CDKAL1: variants seen among roughly 807,000 people sequenced by gnomAD.
The protein encoded by CDKAL1 is CDKAL1 threonylcarbamoyladenosine tRNA methylthiotransferase.
Under a neutral mutation model 68.2 loss-of-function variants are expected in CDKAL1, and 32 were observed. The observed-to-expected ratio is 0.47, with a 90% confidence interval of 0.35 to 0.63. CDKAL1 has a LOEUF of 0.63. CDKAL1 is among the 30% of genes least tolerant of loss of function. The pLI is 0.00. For missense variants in CDKAL1, 606 were observed against 696.7 expected, an observed-to-expected ratio of 0.87 and a Z score of 1.47; for synonymous variants, 234 against 244.3, an observed-to-expected ratio of 0.96 and a Z score of 0.39.
chr6:20,557,012 T>C lies in CDKAL1; in HGVS notation c.286+8307T>C, dbSNP rs188607995. On this transcript the variant is annotated intron_variant, in intron 4 of 15. Transcript: ENST00000274695. ...GAGATCATGCCACTGTACTCCAGCC[T>C]GGGCAACAGAAAGAACGAGTCTCCA... is the stretch of plus-strand genomic sequence containing the variant. Among the ~76,000 whole-genome samples the C allele has an allele frequency of 6.4e-3, 921 of 142,938 alleles. 30 individuals carry two copies. The highest frequency in any genetic ancestry group is 0.055 in the Admixed American group (726 of 13,152). 93.8% of individuals were successfully genotyped at this position (142,938 alleles called of 152,430 possible). A position where few individuals can be genotyped will look rare whatever the true frequency, so the allele number is the denominator to read the frequency against.
intron 9 of CDKAL1, among the ~76,000 whole-genome samples, chr6:20,876,231 G>A (rs1426210793): frequency 6.6e-6 from 1 of 152,204 alleles, no homozygotes. Flanking sequence ...TTTAAAACTG[G>A]CAGAGCTGGA....
At chr6:21,230,027 A>G (rs977527217) in intron 15 of CDKAL1, among the ~76,000 whole-genome samples, 1 of 152,158 alleles carries the variant, frequency 6.6e-6, no homozygotes, top group Non-Finnish European at 1.5e-5. Context: ...ATGGCACACA[A>G]GGTACTTTGA....
chr6:21,007,659 A>C (rs544460629), intron 11 of CDKAL1, among the ~76,000 whole-genome samples: 1 of 152,272 alleles, frequency 6.6e-6, no homozygotes, highest in East Asian at 1.9e-4. Context: ...TGGTAAGTAT[A>C]CCGATAATAC....
At chr6:21,006,108 A>G (rs1767713084) in intron 11 of CDKAL1, among the ~76,000 whole-genome samples, 1 of 152,156 alleles carries the variant, frequency 6.6e-6, no homozygotes, top group Admixed American at 6.5e-5. Context: ...AAAGGATGCT[A>G]AATTATTAAC....
chr6:20,990,803 G>A (rs1338853756), intron 10 of CDKAL1, among the ~76,000 whole-genome samples: 4 of 152,180 alleles, frequency 2.6e-5, no homozygotes, highest in African/African-American at 4.8e-5. Context: ...GGTAAGTGTC[G>A]AAGGTGAATC....
chr6:21,215,351 A>G (rs1779303338), intron 15 of CDKAL1, among the ~76,000 whole-genome samples: 1 of 152,238 alleles, frequency 6.6e-6, no homozygotes, highest in Non-Finnish European at 1.5e-5. Context: ...CAAGTAAATC[A>G]CATGGCCAAG....
chr6:20,606,272 A>T (rs1241583544), intron 4 of CDKAL1, among the ~76,000 whole-genome samples: 3 of 152,220 alleles, frequency 2.0e-5, no homozygotes, highest in African/African-American at 7.2e-5. Context: ...TTAGAAAGTT[A>T]AAAAAATTTT....
chr6:20,568,434 T>C (rs1376899956), intron 4 of CDKAL1, among the ~76,000 whole-genome samples: 1 of 151,844 alleles, frequency 6.6e-6, no homozygotes, highest in East Asian at 1.9e-4. Context: ...GTAAATAAAG[T>C]ACTATATTAA....
At chr6:21,002,759 G>A (rs112210515) in intron 11 of CDKAL1, among the ~76,000 whole-genome samples, 90 of 152,112 alleles carry the variant, frequency 5.9e-4, no homozygotes, top group South Asian at 3.5e-3. Context: ...AGGCTGAGGT[G>A]GATGGATCTC....
chr6:21,154,497 A>G (rs1337967830), intron 13 of CDKAL1, among the ~76,000 whole-genome samples: 1 of 152,206 alleles, frequency 6.6e-6, no homozygotes, highest in Admixed American at 6.5e-5. Context: ...GGATATATTA[A>G]CCAATCCTTA....
intron 13 of CDKAL1, among the ~76,000 whole-genome samples, chr6:21,113,653 G>A (rs1307305883): frequency 6.6e-6 from 1 of 151,766 alleles, no homozygotes; most frequent in Non-Finnish European, 1.5e-5. Context: ...ATTTTTAGTA[G>A]AGATGGGGTT....
At chr6:20,954,796 A>G (rs1250798866) in intron 9 of CDKAL1, among the ~76,000 whole-genome samples, 1 of 152,248 alleles carries the variant, frequency 6.6e-6, no homozygotes, top group Non-Finnish European at 1.5e-5. Flanking sequence ...TGTGGAAAAT[A>G]GAAAGCAAAC....
chr6:20,828,311 C>G (rs556439730), intron 8 of CDKAL1, among the ~76,000 whole-genome samples: 1 of 152,184 alleles, frequency 6.6e-6, no homozygotes, highest in African/African-American at 2.4e-5. Context: ...TCATTGCAAC[C>G]TCCACCTCCT....
intron 9 of CDKAL1, among the ~76,000 whole-genome samples, chr6:20,904,166 C>A (rs1199806400): frequency 6.6e-6 from 1 of 152,080 alleles, no homozygotes; most frequent in Middle Eastern, 3.2e-3. Flanking sequence ...TGGTGGGCAA[C>A]CATTGTTTTT....
chr6:20,748,555 GAAAAAAAAAAAAAAAAAAAA>G (rs760404728), intron 6 of CDKAL1, among the ~76,000 whole-genome samples: 33 of 28,768 alleles, frequency 1.1e-3, no homozygotes, highest in African/African-American at 2.1e-3. Flanking sequence ...TCTGTTTCTG[GAAAAAAAAAAAAAAAAAAAA>G]AAAAAAAAAA....
At chr6:21,170,765 G>A (rs887251084) in intron 13 of CDKAL1, among the ~76,000 whole-genome samples, 1 of 151,912 alleles carries the variant, frequency 6.6e-6, no homozygotes, top group African/African-American at 2.4e-5. Context: ...GGAAAGCTTT[G>A]TGTAATTTAC....
rs555426292 is a variant in CDKAL1, at chr6:20,757,378, A to G, written c.469-1217A>G. Among the ~76,000 whole-genome samples, 3 of 152,328 alleles carry G rather than the reference A, an allele frequency of 2.0e-5. 1 individual carries two copies. The highest frequency in any genetic ancestry group is 7.2e-5 in the African/African-American group (3 of 41,570). ...CATGCATCACATCATGCATCCATAC[A>G]GAGAGATAGTAAGGTGAATGAAATA... On this transcript the variant is annotated intron_variant, in intron 6 of 15. Transcript: ENST00000274695.
rs140443278 is a variant in CDKAL1 at position 21,214,683 on chromosome 6, T to C, written c.1548+13409T>C. On this transcript the variant is annotated intron_variant, in intron 15 of 15. Transcript: ENST00000274695. ...ATCCAACACAACCTAGTACTTCCTA[T>C]TCTTACTCTACTCTATTTTCTCCAT... Among the ~76,000 whole-genome samples the C allele has an allele frequency of 8.3e-3, 1,271 of 152,258 alleles. 10 individuals carry two copies. Among genetic ancestry groups the C allele is most frequent in the Non-Finnish European group, 0.013 (894 of 68,006 alleles).
Position 20,818,045 on chromosome 6 carries a change from G to A in CDKAL1, c.639-28030G>A, listed in dbSNP as rs189580151. ...TTACCAAGTACTCATTTACATTATAGTTCATAGTGTGGTGTCAGCTGTTCC... is the reference window on the plus strand; with the variant it reads ...TTACCAAGTACTCATTTACATTATAATTCATAGTGTGGTGTCAGCTGTTCC... On this transcript the variant is annotated intron_variant, in intron 8 of 15. Transcript: ENST00000274695. 2.2e-4 allele frequency among the ~76,000 whole-genome samples: 33 copies of A among 152,198 alleles called. No individual in the cohort carries two copies. The East Asian group carries it at 5.8e-3, about 27-fold the overall frequency.
Sources: gnomAD v4.1 joint callset for allele counts (sites outside exome capture counted in the v4.1 genomes callset) on GRCh38, gnomAD v4.1.1 for gene constraint, MANE v1.5 for transcripts, NCBI Gene and HGNC (gene_info 2026-07-23, HGNC 2026-07-21) for gene names.